AJAP1: variants seen among roughly 807,000 people sequenced by gnomAD.
AJAP1 encodes the protein adherens junctions associated protein 1.
AJAP1 carries 5 observed loss-of-function variants against 35.0 expected under a neutral mutation model. That is an observed-to-expected ratio of 0.14 (90% CI 0.07 to 0.30). AJAP1 has a LOEUF of 0.30. Among genes scored for constraint, AJAP1 ranks in the 10% least tolerant of loss-of-function variants. The pLI, the probability that AJAP1 is intolerant of heterozygous loss-of-function variation, is 1.00. For synonymous variants in AJAP1, 284 were observed against 249.3 expected (o/e 1.14, Z -1.31); for missense variants, 586 against 571.0 (o/e 1.03, Z -0.27).
intron 1 of AJAP1, among the ~76,000 whole-genome samples, chr1:4,710,037 TACACAGACAC>T (rs1223008999): frequency 2.6e-5 from 4 of 151,976 alleles, no homozygotes; most frequent in East Asian, 1.9e-4. Context: ...TAAACTCTCC[TACACAGACAC>T]ACACAGACAC....
At chr1:4,757,059 C>T (rs1049698744) in intron 2 of AJAP1, among the ~76,000 whole-genome samples, 11 of 152,104 alleles carry the variant, frequency 7.2e-5, no homozygotes, top group African/African-American at 2.4e-4. Flanking sequence ...ACACATGAGT[C>T]GTTGTTTGGG....
intron 1 of AJAP1, among the ~76,000 whole-genome samples, chr1:4,685,445 A>C (rs1639583950): frequency 6.6e-6 from 1 of 152,206 alleles, no homozygotes; most frequent in South Asian, 2.1e-4. Context: ...TACCTTCCTG[A>C]GGATGCTTAT....
intron 2 of AJAP1, among the ~76,000 whole-genome samples, chr1:4,768,747 T>G (rs1000351437): frequency 1.3e-5 from 2 of 152,168 alleles, no homozygotes; most frequent in African/African-American, 4.8e-5. Context: ...GCGGACTCCC[T>G]CACTGCCTTG....
intron 2 of AJAP1, among the ~76,000 whole-genome samples, chr1:4,762,581 T>A (rs1446852414): frequency 6.6e-6 from 1 of 152,244 alleles, no homozygotes; most frequent in Non-Finnish European, 1.5e-5. Context: ...ATTTCTCCAC[T>A]GCAAGATGAC....
intron 2 of AJAP1, among the ~76,000 whole-genome samples, chr1:4,755,537 C>A (rs1268439514): frequency 1.3e-5 from 2 of 152,086 alleles, no homozygotes; most frequent in Non-Finnish European, 2.9e-5. Flanking sequence ...AAGCTGCCCC[C>A]ACCCCCACCC....
At chr1:4,725,893 C>T (rs1640644631) in intron 2 of AJAP1, among the ~76,000 whole-genome samples, 1 of 152,194 alleles carries the variant, frequency 6.6e-6, no homozygotes, top group Admixed American at 6.5e-5. Context: ...CCCTAATGAC[C>T]TCATTTAACT....
Position 4,783,129 on chromosome 1 carries a change from A to G in AJAP1, c.*644A>G, listed in dbSNP as rs1192378258. 26 of 303,246 alleles carry G rather than the reference A, an allele frequency of 8.6e-5. No individual in the cohort carries two copies. The highest frequency in any genetic ancestry group is 1.2e-5 in the Non-Finnish European group (2 of 168,152). The allele number at this position is 303,246 out of a possible 1,614,324, so 18.8% of individuals were successfully genotyped here. A position where few individuals can be genotyped will look rare whatever the true frequency, so the allele number is the denominator to read the frequency against. ...AAAGAATTGTGTTATAGGTTACAAA[A>G]TCTGATTTATTTAACATGCTTAGTA... On this transcript the variant is annotated 3_prime_UTR_variant, in exon 6 of 6. Transcript: ENST00000378191.
rs1029081677 is a variant in AJAP1 at position 4,782,235 on chromosome 1, G to A, written c.*60-310G>A. Among the ~76,000 whole-genome samples the A allele has an allele frequency of 3.3e-5, 5 of 152,132 alleles. No homozygotes were observed. The highest frequency in any genetic ancestry group is 7.2e-5 in the African/African-American group (3 of 41,440). On this transcript the variant is annotated intron_variant, in intron 5 of 5. Transcript: ENST00000378191. This position sits in a 1 kb window ranked among gnomAD's most constrained non-coding sequence, Gnocchi z 5.3. ...CCCGGCACCCCCACCATGAGTTAGC[G>A]GAGGGGGTGGTCCCAGCCCCTGGTA...
At chr1:4,661,740 C>T (rs1639003797) in intron 1 of AJAP1, among the ~76,000 whole-genome samples, 1 of 152,202 alleles carries the variant, frequency 6.6e-6, no homozygotes, top group East Asian at 1.9e-4. Context: ...GCCGTGTGTT[C>T]AGCTGACTCT....
chr1:4,770,611 T>C (rs1641812810), intron 3 of AJAP1, among the ~76,000 whole-genome samples: 1 of 152,134 alleles, frequency 6.6e-6, no homozygotes, highest in African/African-American at 2.4e-5. Flanking sequence ...CAACTGTGTC[T>C]CCTTTCGGCA....
intron 2 of AJAP1, among the ~76,000 whole-genome samples, chr1:4,730,573 A>G (rs1640775242): frequency 6.6e-6 from 1 of 152,210 alleles, no homozygotes; most frequent in African/African-American, 2.4e-5. Flanking sequence ...CTGTTAACCC[A>G]GATATCAGGA....
intron 1 of AJAP1, among the ~76,000 whole-genome samples, chr1:4,662,082 A>G (rs540897577): frequency 3.3e-5 from 5 of 151,362 alleles, no homozygotes; most frequent in African/African-American, 1.2e-4. Context: ...GTGTGTGTGC[A>G]TTTTTTTTGA....
chr1:4,708,093 G>A (rs1351041871), intron 1 of AJAP1, among the ~76,000 whole-genome samples: 1 of 149,852 alleles, frequency 6.7e-6, no homozygotes, highest in South Asian at 2.1e-4. Context: ...TCAGCCTCCC[G>A]AGTAGCTGGG....
intron 1 of AJAP1, among the ~76,000 whole-genome samples, chr1:4,658,495 C>T (rs1233558465): frequency 6.6e-6 from 1 of 152,216 alleles, no homozygotes; most frequent in Non-Finnish European, 1.5e-5. Context: ...CATTGCGCTC[C>T]GGGTGAATCC....
At chr1:4,775,369 C>G (rs920594914) in intron 5 of AJAP1, among the ~76,000 whole-genome samples, 1 of 152,178 alleles carries the variant, frequency 6.6e-6, no homozygotes, top group Non-Finnish European at 1.5e-5. Context: ...GGGCTTTCTA[C>G]GCATCCTCAT....
chr1:4,689,584 G>C (rs534084559), intron 1 of AJAP1, among the ~76,000 whole-genome samples: 2 of 152,326 alleles, frequency 1.3e-5, no homozygotes, highest in East Asian at 3.9e-4. Flanking sequence ...TGGATGGCCT[G>C]GTCTTGGTTT....
At chr1:4,713,764 G>T (rs1026036652) in intron 2 of AJAP1, among the ~76,000 whole-genome samples, 4 of 152,248 alleles carry the variant, frequency 2.6e-5, no homozygotes, top group African/African-American at 9.6e-5. Context: ...TTTAAAATCG[G>T]ATGCAGATTT....
rs1640264717 is a variant in AJAP1, at chr1:4,712,167, A to G, written c.297A>G (p.Arg99=). Residue 99 remains arginine (R), a synonymous_variant, in exon 2 of 6, where the codon AGA becomes AGG. Coordinates refer to ENST00000378191, the MANE Select transcript of AJAP1 (RefSeq NM_018836.4). Reference sequence around the variant, plus strand: ...GGCAGATGCAGATGCCTCGAGCCAGACGGGCCCACAGGCCCCGGGACCAGG... The same window carrying G: ...GGCAGATGCAGATGCCTCGAGCCAGGCGGGCCCACAGGCCCCGGGACCAGG... The part of the protein sequence containing the change: ...IHGQMQMPRA[R]RAHRPRDQAA... 2 of 1,565,090 alleles carry G rather than the reference A, an allele frequency of 1.3e-6. No individual in the cohort carries two copies. The highest frequency in any genetic ancestry group is 1.2e-5 in the South Asian group (1 of 85,660).
chr1:4,767,562 A>G (rs1447250071), intron 2 of AJAP1, among the ~76,000 whole-genome samples: 1 of 150,094 alleles, frequency 6.7e-6, no homozygotes, highest in African/African-American at 2.5e-5. Context: ...TATCATTACC[A>G]TCATTATCAC....
Sources: allele counts gnomAD v4.1 joint callset (sites outside exome capture counted in the v4.1 genomes callset), GRCh38; gene constraint gnomAD v4.1.1; non-coding constraint Gnocchi (gnomAD v3.1); transcripts MANE v1.5; gene names NCBI Gene and HGNC (gene_info 2026-07-23, HGNC 2026-07-21).